Variants in MARCHF4 observed in about 807,000 individuals in gnomAD.
MARCHF4 encodes the protein membrane associated ring-CH-type finger 4.
A neutral mutation model predicts 43.9 loss-of-function variants in MARCHF4; 14 were observed. That is an observed-to-expected ratio of 0.32 (90% CI 0.21 to 0.50). The LOEUF is 0.50. Among genes scored for constraint, MARCHF4 ranks in the 20% least tolerant of loss-of-function variants. MARCHF4 has a pLI of 0.98. For synonymous variants in MARCHF4, 226 were observed against 213.3 expected (o/e 1.06, Z -0.52); for missense variants, 468 against 536.7 (o/e 0.87, Z 1.27).
At chr2:216,259,730 C>A (rs1489343109) in intron 3 of MARCHF4, 51 bp from the exon 4 acceptor site, 5 of 1,563,834 alleles carry the variant, frequency 3.2e-6, no homozygotes, top group Non-Finnish European at 4.4e-6. Flanking sequence ...GGAAGTGGGT[C>A]ACGGCCAGGA....
At chr2:216,340,466 G>A (rs953435214) in intron 1 of MARCHF4, among the ~76,000 whole-genome samples, 1 of 152,202 alleles carries the variant, frequency 6.6e-6, no homozygotes, top group Non-Finnish European at 1.5e-5. Context: ...GGCCTGGGGT[G>A]TTCCAGGCTT....
intron 1 of MARCHF4, among the ~76,000 whole-genome samples, chr2:216,354,985 T>TTCTTTCTG (rs1692477411): frequency 6.9e-6 from 1 of 145,664 alleles, no homozygotes; most frequent in Non-Finnish European, 1.5e-5. Flanking sequence ...CTTTCTTTCT[T>TTCTTTCTG]TTTTGAGACA....
intron 1 of MARCHF4, among the ~76,000 whole-genome samples, chr2:216,289,013 C>T (rs951321894): frequency 6.8e-6 from 1 of 146,468 alleles, no homozygotes; most frequent in African/African-American, 2.5e-5. Context: ...TTATATATAT[C>T]TATATATGAA....
rs1306545674 is a variant in MARCHF4 at position 216,371,321 on chromosome 2, C to T, written c.-1061G>A. On this transcript the variant is annotated 5_prime_UTR_variant, in exon 1 of 4. Coordinates refer to ENST00000273067, the MANE Select transcript of MARCHF4 (RefSeq NM_020814.3). ...CTGCAGTCGGCAAATCCGTGGCGCC[C>T]TCCCCTCGGTTCCATCAAAGGTCCC... 2 of 152,888 alleles carry T rather than the reference C, an allele frequency of 1.3e-5. No individual in the cohort carries two copies. The highest frequency in any genetic ancestry group is 6.5e-5 in the Admixed American group (1 of 15,290). 9.5% of individuals were successfully genotyped at this position (152,888 alleles called of 1,614,324 possible).
chr2:216,287,766 T>A (rs1358735105), intron 1 of MARCHF4, among the ~76,000 whole-genome samples: 1 of 151,318 alleles, frequency 6.6e-6, no homozygotes, highest in African/African-American at 2.4e-5. Flanking sequence ...TGTGCACATG[T>A]ACCCTAAAAC....
At chr2:216,361,110 A>G (rs760284086) in intron 1 of MARCHF4, among the ~76,000 whole-genome samples, 6 of 152,218 alleles carry the variant, frequency 3.9e-5, no homozygotes, top group Non-Finnish European at 8.8e-5. Context: ...AGACACATAC[A>G]AATATAAACA....
intron 1 of MARCHF4, among the ~76,000 whole-genome samples, chr2:216,363,377 C>T (rs1172628266): frequency 6.6e-6 from 1 of 152,194 alleles, no homozygotes; most frequent in Non-Finnish European, 1.5e-5. Flanking sequence ...CCCAGTTCTG[C>T]CCGTGAAAGT....
intron 1 of MARCHF4, among the ~76,000 whole-genome samples, chr2:216,332,055 A>C (rs539045493): frequency 6.6e-6 from 1 of 152,232 alleles, no homozygotes; most frequent in African/African-American, 2.4e-5. Flanking sequence ...TAGTCAGTAC[A>C]TTATATACAT....
At chr2:216,367,278 A>G (rs1177629299) in intron 1 of MARCHF4, among the ~76,000 whole-genome samples, 5 of 151,684 alleles carry the variant, frequency 3.3e-5, no homozygotes, top group African/African-American at 1.2e-4. Flanking sequence ...AAAACACAGA[A>G]ATTTTAGCGT....
chr2:216,345,508 C>T (rs888217000), intron 1 of MARCHF4, among the ~76,000 whole-genome samples: 1 of 152,148 alleles, frequency 6.6e-6, no homozygotes, highest in East Asian at 1.9e-4. Flanking sequence ...TCCACTTCCC[C>T]CTTCCTGGGA....
intron 1 of MARCHF4, among the ~76,000 whole-genome samples, chr2:216,316,602 C>A (rs1267866624): frequency 2.0e-5 from 3 of 151,720 alleles, no homozygotes; most frequent in African/African-American, 7.3e-5. Flanking sequence ...AACTGAGGCA[C>A]AAAAAAATAG....
intron 1 of MARCHF4, among the ~76,000 whole-genome samples, chr2:216,337,508 A>C (rs934704814): frequency 1.3e-5 from 2 of 152,164 alleles, no homozygotes; most frequent in Non-Finnish European, 2.9e-5. Context: ...GATAATTTTT[A>C]TTTTCTTCTT....
chr2:216,369,619 G>A (rs937155848), intron 1 of MARCHF4, 126 bp downstream of exon 1: 2 of 699,140 alleles, frequency 2.9e-6, no homozygotes, highest in East Asian at 5.6e-5. Flanking sequence ...ACATCAATGA[G>A]GGCTCTTAAA....
chr2:216,370,173 G>A lies in MARCHF4; in HGVS notation c.88C>T (p.Gln30Ter). Residue 30 changes from glutamine (Q) to a stop codon, truncating the protein, a stop_gained, in exon 1 of 4, where the codon CAG (glutamine) becomes TAG (stop). Transcript: ENST00000273067. LOFTEE classifies it high-confidence loss of function. The part of the protein sequence containing the change: ...YCYGLCAPAP[Q>*]MLRHQGLLKC... ...AGGAGACCCTGGTGGCGCAACATCT[G>A]GGGGGCTGGGGCACACAATCCATAG... The A allele has an allele frequency of 6.2e-7, 1 of 1,612,024 alleles. No individual in the cohort carries two copies. Among genetic ancestry groups the A allele is most frequent in the East Asian group, 2.2e-5 (1 of 44,796 alleles).
intron 3 of MARCHF4, 41 bp downstream of exon 3, chr2:216,277,631 A>G (rs1691048253): frequency 1.3e-6 from 2 of 1,546,972 alleles, no homozygotes; most frequent in Non-Finnish European, 1.8e-6. Context: ...CCACGAGCAC[A>G]TGGTTCCCCA....
At chr2:216,345,707 C>T (rs1312299137) in intron 1 of MARCHF4, among the ~76,000 whole-genome samples, 5 of 152,176 alleles carry the variant, frequency 3.3e-5, no homozygotes, top group African/African-American at 1.2e-4. Flanking sequence ...AAAGTGTGAT[C>T]TGTGAATTAG....
intron 1 of MARCHF4, among the ~76,000 whole-genome samples, chr2:216,331,228 T>C (rs1453052410): frequency 2.6e-5 from 4 of 152,058 alleles, no homozygotes; most frequent in African/African-American, 9.7e-5. Flanking sequence ...CTATTACATA[T>C]CCTTATGCCA....
At chr2:216,279,182 C>T (rs1316605310) in intron 2 of MARCHF4, among the ~76,000 whole-genome samples, 2 of 152,100 alleles carry the variant, frequency 1.3e-5, no homozygotes, top group Admixed American at 6.5e-5. Flanking sequence ...GCTGACTAAG[C>T]GGTTACTAGG....
chr2:216,355,328 G>C (rs1188271507), intron 1 of MARCHF4, among the ~76,000 whole-genome samples: 3 of 151,974 alleles, frequency 2.0e-5, no homozygotes, highest in Admixed American at 6.6e-5. Context: ...AAACTTTCAA[G>C]CACATATAAA....
Sources: allele counts gnomAD v4.1 joint callset (sites outside exome capture counted in the v4.1 genomes callset), GRCh38; gene constraint gnomAD v4.1.1; transcripts MANE v1.5; gene names NCBI Gene and HGNC (gene_info 2026-07-23, HGNC 2026-07-21).